The following FBXW11 variants were observed in gnomAD, a reference collection of about 807,000 sequenced individuals.
FBXW11 encodes the protein F-box/WD repeat-containing protein 11.
In FBXW11, 19 loss-of-function variants were observed where a neutral mutation model predicts 77.6. That is an observed-to-expected ratio of 0.24 (90% CI 0.17 to 0.36). The LOEUF is 0.36. FBXW11 is among the 10% of genes least tolerant of loss of function. The probability of loss-of-function intolerance (pLI) is 1.00; values close to 1 mark genes in which losing one functional copy is unlikely to be tolerated. For missense variants in FBXW11, 334 were observed against 704.2 expected (o/e 0.47, Z 5.95); for synonymous variants, 235 against 249.4 (o/e 0.94, Z 0.54).
chr5:171,920,085 C>T (rs557392866), intron 2 of FBXW11, among the ~76,000 whole-genome samples: 1 of 152,210 alleles, frequency 6.6e-6, no homozygotes, highest in African/African-American at 2.4e-5. Flanking sequence ...ATCTCTTGAA[C>T]CCAGGAGGCA....
In FBXW11 at chr5:171,870,906, C is replaced by A. The variant is rs371780933; in HGVS notation, c.1341-48G>T. ...GTGAAACAAATTCCCACACACGATTCACACTATCCGTAAGTTTTTTATATC... is the reference window on the plus strand; with the variant it reads ...GTGAAACAAATTCCCACACACGATTAACACTATCCGTAAGTTTTTTATATC... On this transcript the variant is annotated intron_variant, in intron 10 of 13. Transcript: ENST00000517395. 1.3e-4 allele frequency: 171 copies of A among 1,363,376 alleles called. 1 individual carries two copies. The African/African-American group carries it at 2.2e-3, about 18-fold the overall frequency. The allele number at this position is 1,363,376 out of a possible 1,614,324, so 84.5% of individuals were successfully genotyped here. A position where few individuals can be genotyped will look rare whatever the true frequency, so the allele number is the denominator to read the frequency against.
chr5:171,883,114 T>C (rs573836103), intron 7 of FBXW11, among the ~76,000 whole-genome samples: 11 of 152,340 alleles, frequency 7.2e-5, no homozygotes, highest in African/African-American at 2.6e-4. Context: ...ATGCTGTTAA[T>C]TCATTCCTTT....
intron 10 of FBXW11, 89 bp downstream of exon 10, chr5:171,872,783 C>T (rs1027842873): frequency 3.7e-5 from 34 of 907,664 alleles, no homozygotes; most frequent in Non-Finnish European, 5.9e-5. Flanking sequence ...CCCATTTACC[C>T]TGAGTTGTTT....
intron 1 of FBXW11, among the ~76,000 whole-genome samples, chr5:171,973,711 A>G (rs1764658810): frequency 1.3e-5 from 2 of 152,230 alleles, no homozygotes; most frequent in Non-Finnish European, 2.9e-5. Context: ...GATTGTAACA[A>G]TGTATCACAC....
intron 1 of FBXW11, among the ~76,000 whole-genome samples, chr5:172,003,732 T>A (rs979803243): frequency 2.6e-5 from 4 of 152,150 alleles, no homozygotes; most frequent in African/African-American, 9.7e-5. Flanking sequence ...TTTTAGAAAT[T>A]TAACTATTCT....
chr5:171,968,011 A>G (rs1764313868), intron 1 of FBXW11, among the ~76,000 whole-genome samples: 1 of 151,760 alleles, frequency 6.6e-6, no homozygotes, highest in Non-Finnish European at 1.5e-5. Flanking sequence ...TGACAGCTCA[A>G]ACTTCTCCAT....
intron 2 of FBXW11, among the ~76,000 whole-genome samples, chr5:171,921,661 A>T (rs1387794954): frequency 6.6e-6 from 1 of 152,214 alleles, no homozygotes; most frequent in Non-Finnish European, 1.5e-5. Context: ...GAAAAATTCA[A>T]ATTAAAAGGA....
chr5:171,872,145 A>AATTTG (rs1757789608), intron 10 of FBXW11, among the ~76,000 whole-genome samples: 1 of 152,244 alleles, frequency 6.6e-6, no homozygotes, highest in African/African-American at 2.4e-5. Context: ...AACATTAGGC[A>AATTTG]ATTATAAACG....
intron 2 of FBXW11, among the ~76,000 whole-genome samples, chr5:171,954,214 T>C (rs1018788287): frequency 1.3e-5 from 2 of 152,210 alleles, no homozygotes; most frequent in African/African-American, 2.4e-5. Flanking sequence ...AAAATGGCAG[T>C]TGCAAGTTAA....
intron 2 of FBXW11, among the ~76,000 whole-genome samples, chr5:171,926,873 G>A (rs557078468): frequency 4.1e-4 from 63 of 152,230 alleles, no homozygotes; most frequent in African/African-American, 1.5e-3. Flanking sequence ...CTTAAGTACA[G>A]AGGTATAATA....
chr5:171,947,251 G>T (rs1212690324), intron 2 of FBXW11, among the ~76,000 whole-genome samples: 1 of 152,032 alleles, frequency 6.6e-6, no homozygotes, highest in East Asian at 1.9e-4. Context: ...GTTGCTTGAA[G>T]AAAAAACAAA....
intron 6 of FBXW11, among the ~76,000 whole-genome samples, chr5:171,893,965 AT>A (rs1561657547): frequency 6.6e-6 from 1 of 151,788 alleles, no homozygotes; most frequent in Admixed American, 6.6e-5. Context: ...GGAAACAATT[AT>A]TTTAATTTAA....
chr5:171,868,564 G>C (rs1296611066), intron 13 of FBXW11, 46 bp downstream of exon 13: 4 of 1,493,620 alleles, frequency 2.7e-6, no homozygotes, highest in Non-Finnish European at 3.6e-6. Flanking sequence ...CCAAAGGGAA[G>C]GTGAATTCAA....
intron 2 of FBXW11, among the ~76,000 whole-genome samples, chr5:171,931,136 A>C (rs1049138279): frequency 9.8e-5 from 15 of 152,344 alleles, no homozygotes; most frequent in African/African-American, 3.1e-4. Context: ...TCTCTATCAA[A>C]ATCCAGCAAG....
chr5:171,899,299 T>A (rs543324349), intron 5 of FBXW11, among the ~76,000 whole-genome samples: 254 of 152,328 alleles, frequency 1.7e-3, no homozygotes, highest in Non-Finnish European at 3.1e-3. Flanking sequence ...CCTGATCGTG[T>A]TTTCTGAGTA....
chr5:171,902,905 G>T lies in FBXW11; in HGVS notation c.437-2805C>A, dbSNP rs10071123. On this transcript the variant is annotated intron_variant, in intron 4 of 13. Coordinates refer to ENST00000517395, the MANE Select transcript of FBXW11 (RefSeq NM_001378974.1). ...AAAGCCATTATTCTTGGGTTGGGGG[G>T]ATGGTGGGATTAGGTTAATGGGAGT... Among the ~76,000 whole-genome samples, 1,417 of 152,270 alleles carry T rather than the reference G, an allele frequency of 9.3e-3. 25 individuals are homozygous for T. The highest frequency in any genetic ancestry group is 0.032 in the African/African-American group (1,349 of 41,542).
chr5:171,959,313 G>T (rs1763776585), intron 1 of FBXW11, among the ~76,000 whole-genome samples: 1 of 151,912 alleles, frequency 6.6e-6, no homozygotes, highest in Admixed American at 6.6e-5. Context: ...CACAGAAGGT[G>T]CTGAATAAAA....
At chr5:171,997,633 A>C (rs1391489393) in intron 1 of FBXW11, among the ~76,000 whole-genome samples, 3 of 152,262 alleles carry the variant, frequency 2.0e-5, no homozygotes, top group Non-Finnish European at 4.4e-5. Context: ...AGTAAAGGCC[A>C]GTCCCGTACA....
chr5:171,997,487 T>C (rs1175677301), intron 1 of FBXW11, among the ~76,000 whole-genome samples: 3 of 152,240 alleles, frequency 2.0e-5, no homozygotes, highest in African/African-American at 7.2e-5. Context: ...CATAAAGATA[T>C]TTATTTACGT....
Sources: allele counts gnomAD v4.1 joint callset (sites outside exome capture counted in the v4.1 genomes callset), GRCh38; gene constraint gnomAD v4.1.1; transcripts MANE v1.5; gene names NCBI Gene and HGNC (gene_info 2026-07-23, HGNC 2026-07-21).